The following CWF19L2 variants were observed in gnomAD, a reference collection of about 807,000 sequenced individuals.
CWF19L2 encodes the protein CWF19-like protein 2.
In CWF19L2, 98 loss-of-function variants were observed where a neutral mutation model predicts 111.7. The ratio of observed to expected loss-of-function variants is 0.88; its 90% confidence interval spans 0.75 to 1.04. CWF19L2 has a LOEUF of 1.04. Ranked by LOEUF, CWF19L2 falls within the 50% of genes least tolerant of loss-of-function variation. The pLI is 0.00. For missense variants in CWF19L2, 1,101 were observed against 1,051.4 expected (o/e 1.05, Z -0.65); for synonymous variants, 351 against 342.9 (o/e 1.02, Z -0.26).
chr11:107,336,073 T>C (rs1465477007), intron 15 of CWF19L2, among the ~76,000 whole-genome samples: 2 of 151,918 alleles, frequency 1.3e-5, no homozygotes, highest in Non-Finnish European at 2.9e-5. Flanking sequence ...TACAAAAAAT[T>C]AGCTGGGCGT....
intron 10 of CWF19L2, among the ~76,000 whole-genome samples, chr11:107,399,475 A>G (rs924662460): frequency 2.0e-5 from 3 of 152,246 alleles, no homozygotes; most frequent in African/African-American, 7.2e-5. Flanking sequence ...AAAGAGACAA[A>G]GAGGGACAGT....
chr11:107,428,976 CATG>C lies in CWF19L2; in HGVS notation c.1253_1255del (p.Ser418del), dbSNP rs1565280444. On this transcript the variant is annotated inframe_deletion, in exon 8 of 18. Coordinates refer to ENST00000282251, the MANE Select transcript of CWF19L2 (RefSeq NM_152434.3). The stretch of plus-strand genomic sequence containing the variant: ...GTCTCCTCTCCCATCAGAGCGACTC[CATG>C]ATGTTAATCTTTCTTCACTGTTCTT... 6.2e-7 allele frequency: 1 copy of C among 1,613,622 alleles called. No homozygotes were observed. The highest frequency in any genetic ancestry group is 1.3e-5 in the African/African-American group (1 of 74,940).
chr11:107,408,310 C>T (rs1861109663), intron 10 of CWF19L2, among the ~76,000 whole-genome samples: 2 of 151,824 alleles, frequency 1.3e-5, no homozygotes, highest in African/African-American at 4.8e-5. Context: ...GAAAAATACT[C>T]TAGGCAAAGA....
At position 107,403,998 on chromosome 11, in the gene CWF19L2, C is replaced by A. The variant is rs1459396986; in HGVS notation, c.1618-11103G>T. 4.9e-6 allele frequency: 4 copies of A among 810,476 alleles called. No homozygotes were observed. In the South Asian group the frequency reaches 5.3e-5, roughly 11 times the overall value. The allele number at this position is 810,476 out of a possible 1,614,324, so 50.2% of individuals were successfully genotyped here. On this transcript the variant is annotated intron_variant, in intron 10 of 17. Coordinates refer to ENST00000282251, the MANE Select transcript of CWF19L2 (RefSeq NM_152434.3). The stretch of plus-strand genomic sequence containing the variant: ...GACCGAACGTCTGGCACCACACTCT[C>A]ACTAAGGATTTCACTGAAGAGGTGA...
At chr11:107,348,322 T>C (rs777026755) in intron 14 of CWF19L2, among the ~76,000 whole-genome samples, 10 of 152,178 alleles carry the variant, frequency 6.6e-5, no homozygotes, top group Non-Finnish European at 1.5e-4. Flanking sequence ...TCTTCCTTTC[T>C]TTCCTGGTCA....
chr11:107,402,869 G>GTATATATATATATATATA (rs1491324734), intron 10 of CWF19L2, among the ~76,000 whole-genome samples: 1 of 22,020 alleles, frequency 4.5e-5, no homozygotes. Context: ...ACAAACTGTG[G>GTATATATATATATATATA]TGTGTATATA....
chr11:107,402,873 G>GTGTGTGTATATATATA (rs1247886311), intron 10 of CWF19L2, among the ~76,000 whole-genome samples: 22 of 94,452 alleles, frequency 2.3e-4, no homozygotes, highest in African/African-American at 9.2e-4. Context: ...ACTGTGGTGT[G>GTGTGTGTATATATATA]TATATATATA....
At chr11:107,384,060 C>A (rs1249128968) in intron 12 of CWF19L2, among the ~76,000 whole-genome samples, 1 of 152,152 alleles carries the variant, frequency 6.6e-6, no homozygotes, top group Non-Finnish European at 1.5e-5. Context: ...GCCAGTGTGT[C>A]CCCAGTAGAA....
intron 10 of CWF19L2, among the ~76,000 whole-genome samples, chr11:107,402,447 G>A (rs1861014357): frequency 1.3e-5 from 2 of 149,812 alleles, no homozygotes; most frequent in African/African-American, 4.9e-5. Flanking sequence ...CTCAAAAGGA[G>A]ATATACAAAT....
chr11:107,355,983 T>G (rs964915223), intron 12 of CWF19L2, among the ~76,000 whole-genome samples: 4 of 152,208 alleles, frequency 2.6e-5, no homozygotes, highest in African/African-American at 4.8e-5. Context: ...TTCTGGGTCA[T>G]AGCACAAGTC....
At chr11:107,344,486 C>T (rs539611887) in intron 14 of CWF19L2, among the ~76,000 whole-genome samples, 8 of 152,214 alleles carry the variant, frequency 5.3e-5, no homozygotes, top group Non-Finnish European at 1.0e-4. Context: ...AGGATATTTT[C>T]ACTAGAAACA....
intron 12 of CWF19L2, among the ~76,000 whole-genome samples, chr11:107,378,060 C>A (rs1363778476): frequency 0.034 from 5,175 of 151,408 alleles, 291 homozygotes; most frequent in African/African-American, 0.11. Flanking sequence ...ATCAAAACCA[C>A]AATGAGATAC....
intron 12 of CWF19L2, among the ~76,000 whole-genome samples, chr11:107,360,234 G>A (rs1860304873): frequency 6.6e-6 from 1 of 152,042 alleles, no homozygotes; most frequent in African/African-American, 2.4e-5. Flanking sequence ...TGCCCGACTT[G>A]TTTCACTTAA....
intron 11 of CWF19L2, 95 bp from the exon 12 acceptor site, chr11:107,390,306 A>G: frequency 1.9e-6 from 2 of 1,030,102 alleles, no homozygotes; most frequent in East Asian, 2.7e-5. Context: ...AAATGTAAAA[A>G]TCCCACTATG....
intron 12 of CWF19L2, among the ~76,000 whole-genome samples, chr11:107,361,472 C>T (rs1456057807): frequency 6.6e-6 from 1 of 151,780 alleles, no homozygotes; most frequent in Non-Finnish European, 1.5e-5. Flanking sequence ...TTTTTTGGTT[C>T]CATATGAATT....
At chr11:107,441,206 T>C (rs1034729202) in intron 5 of CWF19L2, among the ~76,000 whole-genome samples, 2 of 152,170 alleles carry the variant, frequency 1.3e-5, no homozygotes, top group African/African-American at 4.8e-5. Context: ...TCTAATTCAG[T>C]ATGTACACTG....
intron 10 of CWF19L2, among the ~76,000 whole-genome samples, chr11:107,393,689 G>A (rs778329338): frequency 9.9e-5 from 15 of 152,126 alleles, no homozygotes; most frequent in Non-Finnish European, 1.9e-4. Context: ...TACATGCCAT[G>A]GAATACTACA....
intron 14 of CWF19L2, among the ~76,000 whole-genome samples, chr11:107,348,226 GT>G (rs201799967): frequency 0.013 from 2,022 of 152,158 alleles, 38 homozygotes; most frequent in African/African-American, 0.045. Flanking sequence ...CTCTTGTGCA[GT>G]GCTAACTTAC....
intron 13 of CWF19L2, among the ~76,000 whole-genome samples, chr11:107,352,752 C>A (rs1182731030): frequency 6.6e-6 from 1 of 152,016 alleles, no homozygotes; most frequent in East Asian, 1.9e-4. Flanking sequence ...ACTGATGTAA[C>A]CACCTCAACA....
Sources: allele counts gnomAD v4.1 joint callset (sites outside exome capture counted in the v4.1 genomes callset), GRCh38; gene constraint gnomAD v4.1.1; transcripts MANE v1.5; gene names NCBI Gene and HGNC (gene_info 2026-07-23, HGNC 2026-07-21).